Variants in MIPEP observed in about 807,000 individuals in gnomAD.
The protein encoded by MIPEP is mitochondrial intermediate peptidase.
Under a neutral mutation model 90.3 loss-of-function variants are expected in MIPEP, and 79 were observed. The ratio of observed to expected loss-of-function variants is 0.87; its 90% confidence interval spans 0.73 to 1.05. MIPEP has a LOEUF of 1.05. MIPEP is among the 50% of genes least tolerant of loss of function. MIPEP has a pLI of 0.00. For synonymous variants in MIPEP, 334 were observed against 315.8 expected (o/e 1.06, Z -0.61); for missense variants, 940 against 905.6 (o/e 1.04, Z -0.49).
chr13:23,858,042 C>T (rs1870121889), intron 10 of MIPEP, among the ~76,000 whole-genome samples: 1 of 151,966 alleles, frequency 6.6e-6, no homozygotes, highest in South Asian at 2.1e-4. Context: ...CTTAACTCTC[C>T]TACTTAAACA....
At chr13:23,803,698 C>T (rs1162540465) in intron 16 of MIPEP, among the ~76,000 whole-genome samples, 2 of 152,180 alleles carry the variant, frequency 1.3e-5, no homozygotes, top group Non-Finnish European at 2.9e-5. Context: ...GTCTTAATTC[C>T]TACAGCTTTA....
Position 23,889,172 on chromosome 13 carries a change from T to A in MIPEP, c.149A>T (p.Lys50Met). Residue 50 changes from lysine (K) to methionine (M), a missense_variant, in exon 1 of 19, where the codon AAG becomes ATG. By Grantham distance (95) the Lys-to-Met change is moderately conservative (BLOSUM62 -1). Transcript: ENST00000382172. ...WSPVGAAFNV[K>M]PQGSRLDLFG... is the part of the protein sequence containing the mutation. ...CAGGTCCAAGCGGCTGCCCTGGGGCTTGACATTGAAGGCGGCGCCCACGGG... is the reference window on the plus strand; with the variant it reads ...CAGGTCCAAGCGGCTGCCCTGGGGCATGACATTGAAGGCGGCGCCCACGGG... 6.8e-7 allele frequency: 1 copy of A among 1,466,752 alleles called. No individual in the cohort carries two copies. Among genetic ancestry groups the A allele is most frequent in the African/African-American group, 1.5e-5 (1 of 67,536 alleles). 90.9% of individuals were successfully genotyped at this position (1,466,752 alleles called of 1,614,324 possible).
chr13:23,801,360 C>T (rs1039033775), intron 16 of MIPEP, among the ~76,000 whole-genome samples: 2 of 152,212 alleles, frequency 1.3e-5, no homozygotes, highest in African/African-American at 2.4e-5. Context: ...CCACTCCCCA[C>T]AGTCAGTGTC....
chr13:23,775,109 C>CTCTGTG (rs1375320068), intron 16 of MIPEP, among the ~76,000 whole-genome samples: 213 of 149,196 alleles, frequency 1.4e-3, no homozygotes, highest in African/African-American at 3.9e-3. Flanking sequence ...TATCAGTTCT[C>CTCTGTG]TGTGTGTGTG....
chr13:23,836,738 G>A (rs1869068180), intron 13 of MIPEP, among the ~76,000 whole-genome samples: 1 of 152,008 alleles, frequency 6.6e-6, no homozygotes, highest in Non-Finnish European at 1.5e-5. Flanking sequence ...TCCTTCCTTT[G>A]TTTTACAAGT....
chr13:23,795,313 C>T (rs1952945769), intron 16 of MIPEP, among the ~76,000 whole-genome samples: 1 of 152,132 alleles, frequency 6.6e-6, no homozygotes, highest in Non-Finnish European at 1.5e-5. Context: ...GGCTCCAGTC[C>T]TATTGTTTAA....
chr13:23,778,276 G>C (rs913885452), intron 16 of MIPEP, among the ~76,000 whole-genome samples: 1 of 152,066 alleles, frequency 6.6e-6, no homozygotes, highest in African/African-American at 2.4e-5. Context: ...ACTAAGTTAG[G>C]AATTTGAAGA....
At chr13:23,875,038 AC>A in intron 4 of MIPEP, 129 bp from the exon 5 acceptor site, 1 of 501,684 alleles carries the variant, frequency 2.0e-6, no homozygotes, top group Admixed American at 4.0e-5. Context: ...ACACACACAC[AC>A]ACACACACAC....
intron 10 of MIPEP, among the ~76,000 whole-genome samples, chr13:23,843,007 G>C (rs1383969108): frequency 6.9e-6 from 1 of 145,378 alleles, no homozygotes; most frequent in African/African-American, 2.6e-5. Flanking sequence ...CTGAGGCAGA[G>C]AATTGCTTGA....
rs1488007395 is a variant in MIPEP at position 23,828,846 on chromosome 13, G to GTAGACAAGAAA, written c.1653+7383_1653+7393dup. 4.6e-5 allele frequency among the ~76,000 whole-genome samples: 7 copies of GTAGACAAGAAA among 152,182 alleles called. 1 individual carries two copies. The highest frequency in any genetic ancestry group is 1.4e-4 in the African/African-American group (6 of 41,440). On this transcript the variant is annotated intron_variant, in intron 14 of 18. Transcript: ENST00000382172. ...TATGAAAGAATACAAAGGTCCAAGA[G>GTAGACAAGAAA]TAGACAAGAAATTTTGAAGAACAAA... is the stretch of plus-strand genomic sequence containing the variant.
intron 16 of MIPEP, among the ~76,000 whole-genome samples, chr13:23,805,208 T>C (rs889488241): frequency 1.3e-5 from 2 of 152,198 alleles, no homozygotes; most frequent in Non-Finnish European, 2.9e-5. Flanking sequence ...CATTGCTAAC[T>C]GCACCAAGAA....
chr13:23,791,673 T>C (rs1222336289), intron 16 of MIPEP, among the ~76,000 whole-genome samples: 2 of 151,816 alleles, frequency 1.3e-5, no homozygotes, highest in African/African-American at 4.9e-5. Context: ...ACACATATTA[T>C]TCACCTCGTT....
rs1265984747 is a variant in MIPEP at position 23,839,679 on chromosome 13, A to G, written c.1308T>C (p.Asp436=). The change falls in exon 12 of 19, where the codon GAT becomes GAC. Residue 436 remains aspartate, a synonymous_variant. Coordinates refer to ENST00000382172, the MANE Select transcript of MIPEP (RefSeq NM_005932.4). Reference sequence around the variant, plus strand: ...GTGGTTTGTCTGCTCGCTGAAAAAAATCACAGTAAATGTACCCCAACAATC... The same window carrying G: ...GTGGTTTGTCTGCTCGCTGAAAAAAGTCACAGTAAATGTACCCCAACAATC... ...SEGLLGYIYC[D]FFQRADKPHQ... is the part of the protein sequence containing the mutation. The G allele has an allele frequency of 6.2e-7, 1 of 1,613,366 alleles. No individual in the cohort carries two copies. Among genetic ancestry groups the G allele is most frequent in the South Asian group, 1.1e-5 (1 of 90,800 alleles).
At chr13:23,845,602 C>T (rs1215011472) in intron 10 of MIPEP, among the ~76,000 whole-genome samples, 1 of 152,118 alleles carries the variant, frequency 6.6e-6, no homozygotes, top group African/African-American at 2.4e-5. Flanking sequence ...TTGTCACACC[C>T]ACACAAGCCT....
chr13:23,780,252 G>A (rs908369029), intron 16 of MIPEP, among the ~76,000 whole-genome samples: 2 of 152,190 alleles, frequency 1.3e-5, no homozygotes, highest in Non-Finnish European at 2.9e-5. Flanking sequence ...CCTCTGAGAC[G>A]AAGCTTCCAG....
intron 10 of MIPEP, chr13:23,842,275 CTTTA>C (rs1377848199): frequency 6.6e-6 from 1 of 151,568 alleles, no homozygotes; most frequent in Non-Finnish European, 1.5e-5. Context: ...TTTCAATTGG[CTTTA>C]TTTGTGATTC....
intron 17 of MIPEP, among the ~76,000 whole-genome samples, chr13:23,757,316 G>C (rs542131432): frequency 6.6e-6 from 1 of 152,032 alleles, no homozygotes; most frequent in Non-Finnish European, 1.5e-5. Context: ...GAGATGGATG[G>C]GGAGCGGCTG....
rs958601733 is a variant in MIPEP, at chr13:23,889,240, G to C, written c.81C>G (p.Leu27=). Residue 27 remains leucine, a synonymous_variant, in exon 1 of 19, where the codon CTC becomes CTG. Transcript: ENST00000382172. ...CCCTTCGGGCCCGGATCCCGGCTTC[G>C]AGGCTTCCCCGGCCCGCCCGGCGGG... The part of the protein sequence containing the change: ...LPPRRAGRGS[L]EAGIRARRVS... 7.1e-7 allele frequency: 1 copy of C among 1,402,420 alleles called. No homozygotes were observed. The highest frequency in any genetic ancestry group is 9.3e-7 in the Non-Finnish European group (1 of 1,079,550). The allele number at this position is 1,402,420 out of a possible 1,614,324, so 86.9% of individuals were successfully genotyped here. A position where few individuals can be genotyped will look rare whatever the true frequency, so the allele number is the denominator to read the frequency against.
At chr13:23,825,720 A>G (rs1868417996) in intron 14 of MIPEP, among the ~76,000 whole-genome samples, 1 of 152,194 alleles carries the variant, frequency 6.6e-6, no homozygotes, top group South Asian at 2.1e-4. Flanking sequence ...CCCCCTCATT[A>G]TTATTGTGTG....
Sources: allele counts gnomAD v4.1 joint callset (sites outside exome capture counted in the v4.1 genomes callset), GRCh38; gene constraint gnomAD v4.1.1; transcripts MANE v1.5; gene names NCBI Gene and HGNC (gene_info 2026-07-23, HGNC 2026-07-21).